Variants in RNF216 observed in about 807,000 individuals in gnomAD.
The protein encoded by RNF216 is E3 ubiquitin-protein ligase RNF216.
Under a neutral mutation model 110.8 loss-of-function variants are expected in RNF216, and 72 were observed. The observed-to-expected ratio is 0.65, with a 90% CI of 0.54 to 0.79. The LOEUF (loss-of-function observed/expected upper bound fraction) is 0.79. Ranked by LOEUF, RNF216 falls within the 30% of genes least tolerant of loss-of-function variation. The pLI is 0.00. For missense variants in RNF216, 1,342 were observed against 1,141.2 expected (o/e 1.18, Z -2.54); for synonymous variants, 495 against 407.5 (o/e 1.21, Z -2.59).
Position 5,741,592 on chromosome 7 carries a change from A to T in RNF216, c.425T>A (p.Ile142Asn). Residue 142 changes from isoleucine (I) to asparagine (N), a missense_variant, in exon 4 of 17, where the codon ATC becomes AAC. Ile to Asn is a moderately radical substitution (Grantham distance 149). Coordinates refer to ENST00000389902, the MANE Select transcript of RNF216 (RefSeq NM_207111.4). ...GCCACTTGGCTTAGTGAATTCAGAG[A>T]TTCCAGGAGGCCCAAGATCCAGAAA... ...GEFLDLGPPG[I>N]SEFTKPSGQT... The T allele has an allele frequency of 6.2e-7, 1 of 1,614,182 alleles. No individual in the cohort carries two copies. Among genetic ancestry groups the T allele is most frequent in the Non-Finnish European group, 8.5e-7 (1 of 1,180,040 alleles).
rs1794267145 is a variant in RNF216 at position 5,734,363 on chromosome 7, T to C, written c.1122-3546A>G. Reference sequence around the variant, plus strand: ...ATCAGACTCAAAAGACTATAGACTATACAAAATCTTTATGTAGTGTTCAAA... The same window carrying C: ...ATCAGACTCAAAAGACTATAGACTACACAAAATCTTTATGTAGTGTTCAAA... On this transcript the variant is annotated intron_variant, in intron 5 of 16. Coordinates refer to ENST00000389902, the MANE Select transcript of RNF216 (RefSeq NM_207111.4). Among the ~76,000 whole-genome samples, 4 of 152,150 alleles carry C rather than the reference T, an allele frequency of 2.6e-5. No individual in the cohort carries two copies. In the South Asian group the frequency reaches 6.2e-4, roughly 24 times the overall value.
intron 1 of RNF216, among the ~76,000 whole-genome samples, chr7:5,764,414 G>A (rs1562473768): frequency 1.3e-5 from 2 of 152,096 alleles, no homozygotes; most frequent in Non-Finnish European, 2.9e-5. Context: ...CTGGGAGGCT[G>A]AGGAGAGCGG....
chr7:5,721,458 T>C (rs77334863), intron 8 of RNF216, among the ~76,000 whole-genome samples: 2,098 of 152,362 alleles, frequency 0.014, 45 homozygotes, highest in African/African-American at 0.048. Flanking sequence ...CAATTTATTA[T>C]CTATTTCACT....
intron 13 of RNF216, among the ~76,000 whole-genome samples, chr7:5,660,492 A>C (rs896041104): frequency 6.6e-6 from 1 of 151,038 alleles, no homozygotes; most frequent in Non-Finnish European, 1.5e-5. Flanking sequence ...GGGTTTCACC[A>C]TGTCGGCCAG....
intron 12 of RNF216, 107 bp from the exon 13 acceptor site, chr7:5,711,946 C>T (rs746303360): frequency 2.3e-5 from 21 of 902,186 alleles, no homozygotes; most frequent in African/African-American, 5.0e-5. Context: ...GCTGGACATT[C>T]ACATCCCCTT....
intron 2 of RNF216, chr7:5,760,425 A>T: frequency 2.7e-6 from 1 of 374,802 alleles, no homozygotes; most frequent in Non-Finnish European, 5.5e-6. Context: ...CTCAGACCGG[A>T]GAATCATTTG....
rs201033964 is a variant in RNF216, at chr7:5,741,718, C to G, written c.299G>C (p.Arg100Thr). 1.2e-6 allele frequency: 2 copies of G among 1,614,190 alleles called. No individual in the cohort carries two copies. Among genetic ancestry groups the G allele is most frequent in the Non-Finnish European group, 1.7e-6 (2 of 1,180,038 alleles). ...RLGEERPKKS[R>T]AAFESDKSSY... ...GCTCTTATCTGATTCAAATGCTGCT[C>G]TAGACTTTTTAGGCCTTTCTTCTCC... The change falls in exon 4 of 17, where the codon AGA (arginine) becomes ACA (threonine). Residue 100 changes from arginine to threonine, a missense_variant. Arg to Thr is a moderately conservative substitution (Grantham distance 71, BLOSUM62 -1). Coordinates refer to ENST00000389902, the MANE Select transcript of RNF216 (RefSeq NM_207111.4).
At position 5,721,015 on chromosome 7, in the gene RNF216, C is replaced by A; in HGVS notation, c.1644+18G>T. 6.2e-7 allele frequency: 1 copy of A among 1,613,780 alleles called. No individual in the cohort carries two copies. The highest frequency in any genetic ancestry group is 1.1e-5 in the South Asian group (1 of 91,058). On this transcript the variant is annotated intron_variant, in intron 9 of 16. Coordinates refer to ENST00000389902, the MANE Select transcript of RNF216 (RefSeq NM_207111.4). The stretch of plus-strand genomic sequence containing the variant: ...GAATCCCAGAAACACACCCCAAGAC[C>A]AGAGCACATCTTCCTACCTCTGCCA...
chr7:5,725,841 CAAAAAAA>C (rs756914396), intron 7 of RNF216, among the ~76,000 whole-genome samples: 5 of 77,130 alleles, frequency 6.5e-5, no homozygotes, highest in Admixed American at 1.4e-4. Context: ...CCAGCCTGGG[CAAAAAAA>C]AAAAAAAAAA....
intron 1 of RNF216, among the ~76,000 whole-genome samples, chr7:5,773,275 C>T (rs1395153355): frequency 6.6e-6 from 1 of 151,354 alleles, no homozygotes; most frequent in Non-Finnish European, 1.5e-5. Flanking sequence ...CAGAGTCTCC[C>T]ACTGTCACCT....
chr7:5,703,580 TAGGATG>T (rs2128622668), intron 13 of RNF216, among the ~76,000 whole-genome samples: 1 of 152,276 alleles, frequency 6.6e-6, no homozygotes, highest in Admixed American at 6.5e-5. Context: ...CTACAAAGAA[TAGGATG>T]GGAACCTAGA....
intron 1 of RNF216, among the ~76,000 whole-genome samples, chr7:5,773,077 G>A (rs117701596): frequency 0.038 from 5,769 of 152,184 alleles, 167 homozygotes; most frequent in East Asian, 0.066. Context: ...ACCATGCCTG[G>A]CCCCAGGTAT....
At chr7:5,724,240 T>C (rs1475836956) in intron 8 of RNF216, among the ~76,000 whole-genome samples, 1 of 152,072 alleles carries the variant, frequency 6.6e-6, no homozygotes, top group Non-Finnish European at 1.5e-5. Context: ...AGAAGGGCAG[T>C]CAGGCTGATG....
chr7:5,660,265 C>CTTTTTTTTTTTT lies in RNF216; in HGVS notation c.2062-7767_2062-7756dup, dbSNP rs66617363. Among the ~76,000 whole-genome samples, 9 of 33,652 alleles carry CTTTTTTTTTTTT rather than the reference C, an allele frequency of 2.7e-4. 3 individuals are homozygous for CTTTTTTTTTTTT. The highest frequency in any genetic ancestry group is 5.5e-4 in the Non-Finnish European group (9 of 16,338). 22.1% of individuals were successfully genotyped at this position (33,652 alleles called of 152,430 possible). A position where few individuals can be genotyped will look rare whatever the true frequency, so the allele number is the denominator to read the frequency against. On this transcript the variant is annotated intron_variant, in intron 13 of 16. Transcript: ENST00000389902. ...ACAGAGCCCGGCCCTGTTTTAAATTCTTTTTTTTTTTTTTTTTTTTTTTTT... is the reference window on the plus strand; with the variant it reads ...ACAGAGCCCGGCCCTGTTTTAAATTCTTTTTTTTTTTTTTTTTTTTTTTTTTTTTTTTTTTTT...
intron 15 of RNF216, among the ~76,000 whole-genome samples, chr7:5,634,067 C>A (rs1787247082): frequency 6.6e-6 from 1 of 152,214 alleles, no homozygotes; most frequent in South Asian, 2.1e-4. Flanking sequence ...CTGACTGTTC[C>A]CAAAATAACC....
intron 2 of RNF216, among the ~76,000 whole-genome samples, chr7:5,753,903 G>A (rs911544139): frequency 2.6e-5 from 4 of 152,160 alleles, no homozygotes; most frequent in Non-Finnish European, 5.9e-5. Context: ...GCTGAGGCAG[G>A]AGAATCGTTT....
rs1464898369 is a variant in RNF216 at position 5,714,959 on chromosome 7, C to A, written c.1833+94G>T. 2.9e-5 allele frequency: 35 copies of A among 1,195,356 alleles called. No individual in the cohort carries two copies. In the South Asian group the frequency reaches 5.9e-4, roughly 20 times the overall value. 74.0% of individuals were successfully genotyped at this position (1,195,356 alleles called of 1,614,324 possible). A position where few individuals can be genotyped will look rare whatever the true frequency, so the allele number is the denominator to read the frequency against. On this transcript the variant is annotated intron_variant, in intron 11 of 16. Transcript: ENST00000389902. Reference sequence around the variant, plus strand: ...GCATACCAGCAGAACTCCACCTCACCCTCAAAGAGGCACTTACACTTATCT... The same window carrying A: ...GCATACCAGCAGAACTCCACCTCACACTCAAAGAGGCACTTACACTTATCT...
chr7:5,713,200 G>A (rs919400058), intron 11 of RNF216: 1 of 170,720 alleles, frequency 5.9e-6, no homozygotes, highest in East Asian at 1.7e-4. Context: ...ACAGATATTA[G>A]AAAGCTGGAG....
intron 1 of RNF216, chr7:5,777,398 A>G (rs1376958820): frequency 6.6e-6 from 1 of 152,270 alleles, no homozygotes; most frequent in Non-Finnish European, 1.5e-5. Context: ...ATGCAATGAC[A>G]GCTGTGCTTT....
Sources: gnomAD v4.1 joint callset for allele counts (sites outside exome capture counted in the v4.1 genomes callset) on GRCh38, gnomAD v4.1.1 for gene constraint, MANE v1.5 for transcripts, NCBI Gene and HGNC (gene_info 2026-07-23, HGNC 2026-07-21) for gene names.